Variants in CYFIP2 observed in about 807,000 individuals in gnomAD.
CYFIP2 encodes cytoplasmic FMR1 interacting protein 2, also known as cytoplasmic FMR1-interacting protein 2.
In CYFIP2, 29 loss-of-function variants were observed where a neutral mutation model predicts 158.7. The observed-to-expected ratio is 0.18, with a 90% confidence interval of 0.14 to 0.25. CYFIP2 has a LOEUF of 0.25. Among genes scored for constraint, CYFIP2 ranks in the 10% least tolerant of loss-of-function variants. CYFIP2 has a pLI of 1.00. For synonymous variants in CYFIP2, 585 were observed against 617.6 expected (o/e 0.95, Z 0.78); for missense variants, 852 against 1,639.5 (o/e 0.52, Z 8.29).
At chr5:157,351,564 G>T (rs1156423779) in intron 23 of CYFIP2, among the ~76,000 whole-genome samples, 1 of 152,134 alleles carries the variant, frequency 6.6e-6, no homozygotes, top group Admixed American at 6.5e-5. Flanking sequence ...TATCACCATT[G>T]TACAACGGGA....
At chr5:157,391,307 A>C (rs568304109) in intron 30 of CYFIP2, among the ~76,000 whole-genome samples, 2 of 152,332 alleles carry the variant, frequency 1.3e-5, no homozygotes, top group African/African-American at 4.8e-5. Context: ...AAAAATACAC[A>C]TAAAATAGTT....
intron 14 of CYFIP2, 110 bp downstream of exon 14, chr5:157,320,038 C>G: frequency 7.5e-7 from 1 of 1,334,468 alleles, no homozygotes; most frequent in African/African-American, 1.5e-5. Context: ...TTCCAGCAAG[C>G]TCCAGAGGGC....
intron 28 of CYFIP2, chr5:157,384,920 A>G (rs1766507969): frequency 7.1e-6 from 1 of 139,864 alleles, no homozygotes. Flanking sequence ...AGCCTGGGCA[A>G]CAGAGCAAGA....
intron 2 of CYFIP2, among the ~76,000 whole-genome samples, chr5:157,286,100 A>G (rs1006154901): frequency 6.6e-6 from 1 of 152,172 alleles, no homozygotes; most frequent in African/African-American, 2.4e-5. Flanking sequence ...GCTACAGGAG[A>G]CTAAATATAA....
chr5:157,350,327 A>G lies in CYFIP2; in HGVS notation c.2674-8678A>G, dbSNP rs775010214. ...AGGTGAGAGATGAGGATCCAGTTTC[A>G]TTCTTCTACATGTGGCTTGCCAATT... On this transcript the variant is annotated intron_variant, in intron 23 of 30. Transcript: ENST00000620254. Among the ~76,000 whole-genome samples the G allele has an allele frequency of 7.1e-4, 108 of 152,306 alleles. 1 individual carries two copies. The highest frequency in any genetic ancestry group is 1.2e-3 in the Non-Finnish European group (79 of 68,030).
intron 28 of CYFIP2, among the ~76,000 whole-genome samples, chr5:157,388,751 G>C (rs544954144): frequency 1.3e-5 from 2 of 152,250 alleles, no homozygotes; most frequent in Non-Finnish European, 2.9e-5. Context: ...CTGTAAAATG[G>C]GGAGAGTAAT....
chr5:157,298,593 G>C (rs978775820), intron 5 of CYFIP2, among the ~76,000 whole-genome samples: 49 of 151,218 alleles, frequency 3.2e-4, no homozygotes, highest in Non-Finnish European at 5.6e-4. Context: ...TGATCCACCT[G>C]CCTTGGTCTC....
intron 2 of CYFIP2, among the ~76,000 whole-genome samples, chr5:157,286,164 A>G (rs776194244): frequency 2.0e-5 from 3 of 152,168 alleles, no homozygotes; most frequent in Non-Finnish European, 4.4e-5. Context: ...TACATGCTTG[A>G]AGGTTCGGCC....
Position 157,271,916 on chromosome 5 carries a change from G to T in CYFIP2, c.-24+5721G>T, listed in dbSNP as rs541228313. Among the ~76,000 whole-genome samples the T allele has an allele frequency of 5.9e-5, 9 of 152,198 alleles. No individual in the cohort carries two copies. The South Asian group carries it at 1.9e-3, about 32-fold the overall frequency. On this transcript the variant is annotated intron_variant, in intron 1 of 30. Transcript: ENST00000620254. ...AGAGGCAGCTCCTCTCCCCACATAC[G>T]CGTCATGTTGGTGTTCCTCATATGA...
intron 23 of CYFIP2, among the ~76,000 whole-genome samples, chr5:157,348,002 AC>A (rs1347971183): frequency 2.0e-5 from 3 of 152,224 alleles, no homozygotes; most frequent in Non-Finnish European, 2.9e-5. Flanking sequence ...TATCTGGGAC[AC>A]CTGCCCCAGG....
intron 26 of CYFIP2, among the ~76,000 whole-genome samples, chr5:157,372,211 A>G (rs1348637690): frequency 6.6e-6 from 1 of 152,256 alleles, no homozygotes; most frequent in East Asian, 1.9e-4. Flanking sequence ...ATCGTGTATC[A>G]TATTAAGAAA....
intron 23 of CYFIP2, among the ~76,000 whole-genome samples, chr5:157,348,877 C>T (rs754091497): frequency 5.3e-5 from 8 of 151,910 alleles, no homozygotes; most frequent in Admixed American, 1.3e-4. Flanking sequence ...AGCATAAAAG[C>T]ACCCTGCCAT....
intron 15 of CYFIP2, among the ~76,000 whole-genome samples, chr5:157,323,334 A>G (rs1178787264): frequency 6.6e-6 from 1 of 152,184 alleles, no homozygotes; most frequent in Admixed American, 6.5e-5. Context: ...CATGGGGTCA[A>G]AACGCTGAGG....
intron 1 of CYFIP2, among the ~76,000 whole-genome samples, chr5:157,273,094 G>C (rs773821904): frequency 1.7e-4 from 26 of 152,156 alleles, no homozygotes; most frequent in Non-Finnish European, 3.5e-4. Flanking sequence ...TTGAACTCCT[G>C]ATCTCAGGTG....
At chr5:157,290,767 T>C (rs1198683257) in intron 3 of CYFIP2, among the ~76,000 whole-genome samples, 1 of 152,218 alleles carries the variant, frequency 6.6e-6, no homozygotes, top group Non-Finnish European at 1.5e-5. Context: ...CCAGTCTTTC[T>C]AAGGTAGCTT....
intron 15 of CYFIP2, among the ~76,000 whole-genome samples, chr5:157,322,198 C>G (rs537838265): frequency 1.3e-5 from 2 of 152,188 alleles, no homozygotes; most frequent in Non-Finnish European, 2.9e-5. Flanking sequence ...GGCCCTCCCC[C>G]TCTCTTGCGG....
chr5:157,308,143 T>C lies in CYFIP2; in HGVS notation c.900+278T>C, dbSNP rs184112796. Among the ~76,000 whole-genome samples, 1,134 of 149,600 alleles carry C rather than the reference T, an allele frequency of 7.6e-3. 10 individuals are homozygous for C. The highest frequency in any genetic ancestry group is 8.4e-3 in the Non-Finnish European group (568 of 67,602). ...GGGATTTGGCTAGGAGGAGGCCCTGTGATTCTTTTCTGAATGCTGCTTTTT... is the reference window on the plus strand; with the variant it reads ...GGGATTTGGCTAGGAGGAGGCCCTGCGATTCTTTTCTGAATGCTGCTTTTT... On this transcript the variant is annotated intron_variant, in intron 9 of 30. Coordinates refer to ENST00000620254, the MANE Select transcript of CYFIP2 (RefSeq NM_001037333.3).
chr5:157,329,252 A>G (rs1761261587), intron 19 of CYFIP2, among the ~76,000 whole-genome samples: 1 of 152,264 alleles, frequency 6.6e-6, no homozygotes, highest in Non-Finnish European at 1.5e-5. Flanking sequence ...GTCAATAGGC[A>G]TCTGTGGATT....
Position 157,307,885 on chromosome 5 carries a change from G to A in CYFIP2, c.900+20G>A, listed in dbSNP as rs767536939. The A allele has an allele frequency of 1.3e-5, 19 of 1,428,432 alleles. No homozygotes were observed. Among genetic ancestry groups the A allele is most frequent in the East Asian group, 2.3e-5 (1 of 42,804 alleles). 88.5% of individuals were successfully genotyped at this position (1,428,432 alleles called of 1,614,324 possible). A position where few individuals can be genotyped will look rare whatever the true frequency, so the allele number is the denominator to read the frequency against. ...TTTAAGGTCAGCAACTGGGGCTGGG[G>A]CTGGGCAGAGGGCTGAGGTTACCAG... On this transcript the variant is annotated intron_variant, in intron 9 of 30. Transcript: ENST00000620254.
Sources: allele counts gnomAD v4.1 joint callset (sites outside exome capture counted in the v4.1 genomes callset), GRCh38; gene constraint gnomAD v4.1.1; transcripts MANE v1.5; gene names NCBI Gene and HGNC (gene_info 2026-07-23, HGNC 2026-07-21).